UGT8: variants seen among roughly 807,000 people sequenced by gnomAD.
UGT8 encodes the protein UDP glycosyltransferase 8, also known as 2-hydroxyacylsphingosine 1-beta-galactosyltransferase.
A neutral mutation model predicts 40.5 loss-of-function variants in UGT8; 12 were observed. That is an observed-to-expected ratio of 0.30 (90% CI 0.19 to 0.48). The LOEUF is 0.48. UGT8 is among the 20% of genes least tolerant of loss of function. The pLI is 0.99. For missense variants in UGT8, 513 were observed against 648.7 expected, an observed-to-expected ratio of 0.79 and a Z score of 2.27; for synonymous variants, 224 against 240.4, an observed-to-expected ratio of 0.93 and a Z score of 0.63.
chr4:114,624,495 AT>A (rs1732061647), intron 2 of UGT8, among the ~76,000 whole-genome samples: 1 of 152,092 alleles, frequency 6.6e-6, no homozygotes, highest in Non-Finnish European at 1.5e-5. Flanking sequence ...ATCAGATCCC[AT>A]TTACTAGGAA....
intron 1 of UGT8, among the ~76,000 whole-genome samples, chr4:114,606,423 G>A (rs1730735907): frequency 6.6e-6 from 1 of 152,108 alleles, no homozygotes; most frequent in Non-Finnish European, 1.5e-5. Flanking sequence ...TTCTCTTTAT[G>A]AAGAAGGCCT....
At chr4:114,663,234 G>C (rs1734661259) in intron 2 of UGT8, among the ~76,000 whole-genome samples, 1 of 152,056 alleles carries the variant, frequency 6.6e-6, no homozygotes, top group Non-Finnish European at 1.5e-5. Context: ...AACTCTTCCT[G>C]AGCTAGAGAC....
At position 114,607,025 on chromosome 4, in the gene UGT8, A is replaced by G. The variant is rs551910662; in HGVS notation, c.-3+8051A>G. On this transcript the variant is annotated intron_variant, in intron 1 of 5. Coordinates refer to ENST00000310836, the MANE Select transcript of UGT8 (RefSeq NM_001128174.3). ...GTTAACCATCTCTGATACTAATCTT[A>G]TATTAGAGATAATACTTGGTTTCCC... Among the ~76,000 whole-genome samples, 11 of 152,326 alleles carry G rather than the reference A, an allele frequency of 7.2e-5. No individual in the cohort carries two copies. The South Asian group carries it at 1.9e-3, about 26-fold the overall frequency.
At chr4:114,656,455 T>C (rs183591299) in intron 2 of UGT8, among the ~76,000 whole-genome samples, 1 of 152,282 alleles carries the variant, frequency 6.6e-6, no homozygotes, top group East Asian at 1.9e-4. Context: ...GACAGTGTTA[T>C]TTATCCTGTT....
chr4:114,635,255 G>C (rs911784149), intron 2 of UGT8, among the ~76,000 whole-genome samples: 7 of 151,896 alleles, frequency 4.6e-5, no homozygotes, highest in African/African-American at 1.7e-4. Context: ...GGAGGCTGAG[G>C]CAGGAGAATC....
chr4:114,645,978 A>G (rs1171873423), intron 2 of UGT8, among the ~76,000 whole-genome samples: 1 of 152,216 alleles, frequency 6.6e-6, no homozygotes, highest in Non-Finnish European at 1.5e-5. Context: ...AGATGTAAGC[A>G]ATTAAATAGA....
At chr4:114,646,096 ATATACT>A (rs1259244685) in intron 2 of UGT8, among the ~76,000 whole-genome samples, 4 of 152,048 alleles carry the variant, frequency 2.6e-5, no homozygotes, top group Middle Eastern at 3.2e-3. Context: ...AGCTCAGGAG[ATATACT>A]TAGATATACT....
At chr4:114,640,171 C>T (rs538503530) in intron 2 of UGT8, among the ~76,000 whole-genome samples, 5 of 152,000 alleles carry the variant, frequency 3.3e-5, no homozygotes, top group Non-Finnish European at 7.4e-5. Context: ...GCTGGGACTA[C>T]AGGCGCCCGC....
chr4:114,619,343 A>G (rs1025308421), intron 1 of UGT8: 1 of 152,098 alleles, frequency 6.6e-6, no homozygotes, highest in African/African-American at 2.4e-5. Context: ...TAAAAGGTAT[A>G]TTGTACACTT....
chr4:114,601,109 G>A (rs1730417512), intron 1 of UGT8, among the ~76,000 whole-genome samples: 1 of 152,118 alleles, frequency 6.6e-6, no homozygotes, highest in Non-Finnish European at 1.5e-5. Context: ...TTAAATCTAA[G>A]ATTTCCAGAG....
rs1444189163 is a variant in UGT8, at chr4:114,674,104, A to C, written c.1263-1821A>C. On this transcript the variant is annotated intron_variant, in intron 5 of 5. Transcript: ENST00000310836. Reference sequence around the variant, plus strand: ...ACTTAATGTTTAGGTCTAGAGTGAAATCATAAAAAATAAAGGCTCATCAAA... The same window carrying C: ...ACTTAATGTTTAGGTCTAGAGTGAACTCATAAAAAATAAAGGCTCATCAAA... 2.6e-5 allele frequency among the ~76,000 whole-genome samples: 4 copies of C among 152,166 alleles called. No individual in the cohort carries two copies. In the South Asian group the frequency reaches 8.3e-4, roughly 31 times the overall value.
chr4:114,627,013 T>G (rs982390870), intron 2 of UGT8, among the ~76,000 whole-genome samples: 1 of 152,166 alleles, frequency 6.6e-6, no homozygotes, highest in Non-Finnish European at 1.5e-5. Context: ...GTAGAAATCA[T>G]TTTAAAATCC....
Position 114,623,222 on chromosome 4 carries a change from T to C in UGT8, c.342T>C (p.Cys114=). 1.2e-6 allele frequency: 2 copies of C among 1,614,188 alleles called. No homozygotes were observed. The highest frequency in any genetic ancestry group is 1.7e-6 in the Non-Finnish European group (2 of 1,180,018). ...FDILDHYTKN[C]DLMVGNHALI... ...TACTGGATCACTATACTAAGAACTGTGACCTGATGGTTGGCAACCATGCCC... is the reference window on the plus strand; with the variant it reads ...TACTGGATCACTATACTAAGAACTGCGACCTGATGGTTGGCAACCATGCCC... The change falls in exon 2 of 6, where the codon TGT becomes TGC. Residue 114 remains cysteine, a synonymous_variant. Transcript: ENST00000310836.
intron 4 of UGT8, among the ~76,000 whole-genome samples, chr4:114,666,973 G>A (rs769891585): frequency 1.5e-4 from 23 of 152,076 alleles, no homozygotes; most frequent in African/African-American, 4.1e-4. Flanking sequence ...CCTCGTAGCC[G>A]CCCCTCCTCT....
chr4:114,661,887 C>T (rs1724399434), intron 2 of UGT8, among the ~76,000 whole-genome samples: 1 of 152,108 alleles, frequency 6.6e-6, no homozygotes, highest in Non-Finnish European at 1.5e-5. Flanking sequence ...ATATATGGTG[C>T]TTACATACAC....
Position 114,663,799 on chromosome 4 carries a change from GTCC to G in UGT8, c.823-193_823-191del, listed in dbSNP as rs1482668697. On this transcript the variant is annotated intron_variant, in intron 2 of 5. Transcript: ENST00000310836. ...ACAGATCTTACCAAATAAACCACAT[GTCC>G]TCATTTCAGTTAGCATTATCAGATG... is the stretch of plus-strand genomic sequence containing the variant. The G allele has an allele frequency of 3.0e-6, 3 of 985,008 alleles. No homozygotes were observed. The Admixed American group carries it at 1.8e-4, about 61-fold the overall frequency. 61.0% of individuals were successfully genotyped at this position (985,008 alleles called of 1,614,324 possible).
intron 4 of UGT8, among the ~76,000 whole-genome samples, chr4:114,666,592 C>T (rs1372668082): frequency 2.0e-5 from 3 of 151,864 alleles, no homozygotes; most frequent in Non-Finnish European, 2.9e-5. Context: ...GACTTAGATT[C>T]CTTAGAAGAT....
intron 1 of UGT8, among the ~76,000 whole-genome samples, chr4:114,600,397 T>C (rs1176650876): frequency 6.6e-6 from 1 of 152,194 alleles, no homozygotes; most frequent in Non-Finnish European, 1.5e-5. Flanking sequence ...TTTCTGATAA[T>C]TTCATGTTCA....
intron 2 of UGT8, among the ~76,000 whole-genome samples, chr4:114,654,828 C>G (rs990430340): frequency 2.0e-5 from 3 of 152,066 alleles, no homozygotes; most frequent in African/African-American, 7.2e-5. Context: ...CTTACCTGCC[C>G]AAGTTTATAC....
Sources: gnomAD v4.1 joint callset for allele counts (sites outside exome capture counted in the v4.1 genomes callset) on GRCh38, gnomAD v4.1.1 for gene constraint, MANE v1.5 for transcripts, NCBI Gene and HGNC (gene_info 2026-07-23, HGNC 2026-07-21) for gene names.